The following SIGLEC1 variants were observed in gnomAD, a reference collection of about 807,000 sequenced individuals.
The protein encoded by SIGLEC1 is sialoadhesin.
SIGLEC1 carries 132 observed loss-of-function variants against 148.0 expected under a neutral mutation model. That is an observed-to-expected ratio of 0.89 (90% CI 0.77 to 1.03). The LOEUF is 1.03. SIGLEC1 is among the 50% of genes least tolerant of loss of function. SIGLEC1 has a pLI of 0.00. For synonymous variants in SIGLEC1, 945 were observed against 969.0 expected (o/e 0.98, Z 0.46); for missense variants, 2,253 against 2,271.4 (o/e 0.99, Z 0.16).
At position 3,705,706 on chromosome 20, in the gene SIGLEC1, T is replaced by A. The variant is rs199771564; in HGVS notation, c.706+38A>T. The A allele has an allele frequency of 3.5e-5, 54 of 1,562,628 alleles. No homozygotes were observed. The African/African-American group carries it at 6.6e-4, about 19-fold the overall frequency. On this transcript the variant is annotated intron_variant, in intron 4 of 21. Transcript: ENST00000344754. ...GCTGGTTTCTGTCAGGAGCAACAGA[T>A]GCGCTCAGCCACAAGGGTGTGTCCC...
intron 10 of SIGLEC1, 68 bp downstream of exon 10, chr20:3,697,017 G>T: frequency 6.4e-7 from 1 of 1,572,024 alleles, no homozygotes; most frequent in Non-Finnish European, 8.6e-7. Context: ...CCCCAGCCCG[G>T]CCCCTGCTTC....
At position 3,688,603 on chromosome 20, in the gene SIGLEC1, G is replaced by A. The variant is rs867324359; in HGVS notation, c.5087C>T (p.Ala1696Val). The A allele has an allele frequency of 1.9e-6, 3 of 1,601,416 alleles. No individual in the cohort carries two copies. Among genetic ancestry groups the A allele is most frequent in the East Asian group, 2.2e-5 (1 of 44,522 alleles). ...KETTQLIDPD[A>V]ATCETSTCAP... The stretch of plus-strand genomic sequence containing the variant: ...ACAGGTTGAGGTCTCACATGTGGCT[G>A]CATCAGGATCAATGAGCTTCCCACA... The change falls in exon 22 of 22, where the codon GCA becomes GTA. Residue 1696 changes from alanine to valine, a missense_variant. By Grantham distance (64) the Ala-to-Val change is moderately conservative. Transcript: ENST00000344754.
rs374312370 is a variant in SIGLEC1 at position 3,692,655 on chromosome 20, C to T, written c.3896G>A (p.Arg1299His). 2.8e-5 allele frequency: 45 copies of T among 1,613,010 alleles called. No homozygotes were observed. The highest frequency in any genetic ancestry group is 9.3e-5 in the African/African-American group (7 of 74,936). The change falls in exon 16 of 22, where the codon CGT becomes CAT. Residue 1299 changes from arginine to histidine, a missense_variant. Coordinates refer to ENST00000344754, the MANE Select transcript of SIGLEC1 (RefSeq NM_023068.4). ...PTLYTWYHNG[R>H]WLQEGPAASL... ...GGCAGCTGGACCCTCCTGCAGCCAA[C>T]GACCGTTGTGGTACCAAGTATAGAG...
Position 3,689,921 on chromosome 20 carries a change from T to C in SIGLEC1, c.4894+41A>G, listed in dbSNP as rs760667184. On this transcript the variant is annotated intron_variant, in intron 19 of 21. Coordinates refer to ENST00000344754, the MANE Select transcript of SIGLEC1 (RefSeq NM_023068.4). ...GCCTTTGGGCCTAAGAGCTGGGCTT[T>C]TGTGCAGAGTGGCCTGGGAGATGGA... 1.5e-5 allele frequency: 23 copies of C among 1,546,162 alleles called. No homozygotes were observed. The South Asian group carries it at 2.5e-4, about 17-fold the overall frequency.
chr20:3,688,897 G>C, intron 21 of SIGLEC1: 1 of 598,972 alleles, frequency 1.7e-6, no homozygotes, highest in Non-Finnish European at 3.0e-6. Flanking sequence ...ACGTGTCTTG[G>C]AAATGGAGGG....
At chr20:3,699,137 G>T (rs781547964) in intron 8 of SIGLEC1, 65 bp downstream of exon 8, 27 of 1,565,474 alleles carry the variant, frequency 1.7e-5, no homozygotes, top group Non-Finnish European at 1.9e-5. Context: ...GGGCTGGGGG[G>T]CCTAGAGGAG....
At chr20:3,689,256 C>G (rs376812807) in intron 20 of SIGLEC1, 29 bp from the exon 21 acceptor site, 13 of 1,589,114 alleles carry the variant, frequency 8.2e-6, no homozygotes, top group African/African-American at 2.7e-5. Flanking sequence ...ACTCAGAGAG[C>G]CTCTCCCCTC....
In SIGLEC1 at chr20:3,697,972, C is replaced by T. The variant is rs1209854450; in HGVS notation, c.1948G>A (p.Gly650Arg). Residue 650 changes from glycine (G) to arginine (R), a missense_variant, in exon 9 of 22, where the codon GGG (glycine) becomes AGG (arginine). Gly to Arg is a moderately radical substitution (Grantham distance 125). Coordinates refer to ENST00000344754, the MANE Select transcript of SIGLEC1 (RefSeq NM_023068.4). ...DRVVATSLPS[G>R]GGCSTCGGCS... is the part of the protein sequence containing the mutation. ...CCCCCACAGGTGCTGCAGCCACCCC[C>T]TGATGGCAGGGAAGTGGCCACAACA... is the stretch of plus-strand genomic sequence containing the variant. 9 of 1,611,872 alleles carry T rather than the reference C, an allele frequency of 5.6e-6. 1 individual carries two copies. The South Asian group carries it at 8.8e-5, about 16-fold the overall frequency.
chr20:3,708,017 A>G (rs1215137620), intron 1 of SIGLEC1, among the ~76,000 whole-genome samples: 1 of 152,140 alleles, frequency 6.6e-6, no homozygotes, highest in East Asian at 1.9e-4. Flanking sequence ...ATTTCTCAGG[A>G]CCTAGAACTG....
chr20:3,710,369 C>T lies in SIGLEC1; in HGVS notation c.-110+2101G>A, dbSNP rs1310310485. On this transcript the variant is annotated intron_variant, in intron 1 of 21. Transcript: ENST00000344754. This position sits in a 1 kb window ranked among gnomAD's most constrained non-coding sequence, Gnocchi z 4.6. ...GGCGGGATTGGGACAGGAAGGACAC[C>T]GCTCCCCAGGGGACCCAGCCCTCTC... Among the ~76,000 whole-genome samples, 3 of 152,166 alleles carry T rather than the reference C, an allele frequency of 2.0e-5. No homozygotes were observed. Among genetic ancestry groups the T allele is most frequent in the African/African-American group, 7.2e-5 (3 of 41,440 alleles).
intron 4 of SIGLEC1, among the ~76,000 whole-genome samples, 164 bp downstream of exon 4, chr20:3,705,580 G>C (rs2087886187): frequency 6.6e-6 from 1 of 152,190 alleles, no homozygotes; most frequent in African/African-American, 2.4e-5. Context: ...CGAAGTCCTT[G>C]GGGCTCAGCA....
chr20:3,692,383 T>C (rs949112930), intron 16 of SIGLEC1, 138 bp downstream of exon 16: 3 of 1,202,246 alleles, frequency 2.5e-6, no homozygotes, highest in Non-Finnish European at 3.4e-6. Flanking sequence ...ACTGTCTCTT[T>C]CTCTAGCACC....
Position 3,696,750 on chromosome 20 carries a change from A to C in SIGLEC1, c.2519T>G (p.Leu840Arg). 1 of 1,613,300 alleles carries C rather than the reference A, an allele frequency of 6.2e-7. No homozygotes were observed. Among genetic ancestry groups the C allele is most frequent in the South Asian group, 1.1e-5 (1 of 91,030 alleles). The stretch of plus-strand genomic sequence containing the variant: ...ACCATGGGATGGGACCTGGGGACCC[A>C]GGCTGGTGGCCAGGAGGTGCTCCCC... ...FHGEHLLATS[L>R]GPQVPSHGRF... Residue 840 changes from leucine (L) to arginine (R), a missense_variant, in exon 11 of 22, where the codon CTG becomes CGG. Physicochemically the swap from Leu to Arg is moderately radical, Grantham distance 102 (BLOSUM62 -2). Transcript: ENST00000344754.
At position 3,694,794 on chromosome 20, in the gene SIGLEC1, T is replaced by TGGA; in HGVS notation, c.2810_2812dup (p.Leu937dup). ...GCGGAGCGTGGCCGAGGTCGACTCC[T>TGGA]GGAGGGGCTGGCCATCCCGATACCA... On this transcript the variant is annotated inframe_insertion, in exon 12 of 22. Coordinates refer to ENST00000344754, the MANE Select transcript of SIGLEC1 (RefSeq NM_023068.4). 6.2e-7 allele frequency: 1 copy of TGGA among 1,613,624 alleles called. No homozygotes were observed. Among genetic ancestry groups the TGGA allele is most frequent in the South Asian group, 1.1e-5 (1 of 91,084 alleles).
chr20:3,706,071 C>T lies in SIGLEC1; in HGVS notation c.410-31G>A, dbSNP rs200129721. The T allele has an allele frequency of 3.4e-4, 543 of 1,592,944 alleles. 3 individuals carry two copies. The Middle Eastern group carries it at 6.4e-3, about 19-fold the overall frequency. On this transcript the variant is annotated intron_variant, in intron 3 of 21. Transcript: ENST00000344754. ...GACAGAGACAGCAGTGCTCAGGACC[C>T]GCTTTTGCCACCCCTGAGATCCCTC...
chr20:3,693,429 G>T lies in SIGLEC1; in HGVS notation c.3508+18C>A. On this transcript the variant is annotated intron_variant, in intron 14 of 21. Coordinates refer to ENST00000344754, the MANE Select transcript of SIGLEC1 (RefSeq NM_023068.4). The stretch of plus-strand genomic sequence containing the variant: ...CTGTCATTCCTGTGAGTCCCACCCT[G>T]CATCCAGCCAGACTCACAGAGGACG... 1 of 1,549,076 alleles carries T rather than the reference G, an allele frequency of 6.5e-7. No homozygotes were observed. The highest frequency in any genetic ancestry group is 1.4e-5 in the African/African-American group (1 of 73,980).
chr20:3,690,905 A>G (rs1265483057), intron 18 of SIGLEC1, among the ~76,000 whole-genome samples: 1 of 142,784 alleles, frequency 7.0e-6, no homozygotes. Context: ...ATCTTGGCTC[A>G]CTGCAACCTC....
intron 7 of SIGLEC1, among the ~76,000 whole-genome samples, chr20:3,699,953 G>C (rs1379715542): frequency 6.6e-6 from 1 of 150,974 alleles, no homozygotes; most frequent in Non-Finnish European, 1.5e-5. Flanking sequence ...TGGGATTACA[G>C]GTGTGCCACC....
chr20:3,703,931 C>A lies in SIGLEC1; in HGVS notation c.867G>T (p.Val289=). 1 of 1,613,834 alleles carries A rather than the reference C, an allele frequency of 6.2e-7. No individual in the cohort carries two copies. The highest frequency in any genetic ancestry group is 8.5e-7 in the Non-Finnish European group (1 of 1,179,900). The change falls in exon 5 of 22, where the codon GTG becomes GTT. Residue 289 remains valine, a synonymous_variant. Transcript: ENST00000344754. ...TCCAGGCTGCCTGGGGCAGGTGCAG[C>A]ACACCAGTCTTGGTTTGGAGGCGTA... is the stretch of plus-strand genomic sequence containing the variant. The part of the protein sequence containing the change: ...DGVRLQTKTG[V]LHLPQAAWSD...
Sources: gnomAD v4.1 joint callset for allele counts (sites outside exome capture counted in the v4.1 genomes callset) on GRCh38, gnomAD v4.1.1 for gene constraint, Gnocchi (gnomAD v3.1) non-coding constraint, MANE v1.5 for transcripts, NCBI Gene and HGNC (gene_info 2026-07-23, HGNC 2026-07-21) for gene names.